DTHD1: variants seen among roughly 807,000 people sequenced by gnomAD.
DTHD1 encodes death domain-containing protein 1.
DTHD1 carries 59 observed loss-of-function variants against 74.8 expected under a neutral mutation model. The ratio of observed to expected loss-of-function variants is 0.79; its 90% confidence interval spans 0.64 to 0.98. The LOEUF (loss-of-function observed/expected upper bound fraction) is 0.98. Ranked by LOEUF, DTHD1 falls within the 50% of genes least tolerant of loss-of-function variation. The pLI is 0.00. For synonymous variants in DTHD1, 365 were observed against 371.1 expected, an observed-to-expected ratio of 0.98 and a Z score of 0.19; for missense variants, 1,051 against 1,065.4, an observed-to-expected ratio of 0.99 and a Z score of 0.19.
intron 2 of DTHD1, among the ~76,000 whole-genome samples, chr4:36,288,177 C>T (rs182062744): frequency 6.6e-6 from 1 of 152,226 alleles, no homozygotes; most frequent in Non-Finnish European, 1.5e-5. Context: ...CAGCTCACTG[C>T]AACCTCCACC....
intron 8 of DTHD1, among the ~76,000 whole-genome samples, chr4:36,319,545 AG>A (rs1757940815): frequency 6.6e-6 from 1 of 152,130 alleles, no homozygotes; most frequent in Non-Finnish European, 1.5e-5. Flanking sequence ...CTGCCATAAG[AG>A]GATGAAAGGG....
At position 36,290,819 on chromosome 4, in the gene DTHD1, C is replaced by A. The variant is rs116683678; in HGVS notation, c.1218+116C>A. On this transcript the variant is annotated intron_variant, in intron 3 of 9. Transcript: ENST00000639862. ...GCTCCACTAGTAATAAATGGAAGGA[C>A]TTTTGAATTTGTGCCAGTGCGTTCA... The A allele has an allele frequency of 3.9e-3, 3,385 of 858,608 alleles. 73 individuals are homozygous for A. In the African/African-American group the frequency reaches 0.052, roughly 13 times the overall value. 53.2% of individuals were successfully genotyped at this position (858,608 alleles called of 1,614,324 possible).
chr4:36,294,818 G>T lies in DTHD1; in HGVS notation c.1422G>T (p.Leu474=). ...QLKIQPVDPA[L]VAHLKAQQDT... ...AGATCCAACCAGTTGACCCAGCTCT[G>T]GTGGCACATTTAAAAGCACAGCAAG... The change falls in exon 5 of 10, where the codon CTG becomes CTT. Residue 474 remains leucine (L), a synonymous_variant. Transcript: ENST00000639862. 1 of 1,548,598 alleles carries T rather than the reference G, an allele frequency of 6.5e-7. No homozygotes were observed. Among genetic ancestry groups the T allele is most frequent in the Non-Finnish European group, 8.7e-7 (1 of 1,144,984 alleles).
chr4:36,329,792 C>A (rs1352136587), intron 8 of DTHD1, among the ~76,000 whole-genome samples: 1 of 152,184 alleles, frequency 6.6e-6, no homozygotes, highest in Non-Finnish European at 1.5e-5. Flanking sequence ...AACATGTTTT[C>A]ACATCTCCTT....
At position 36,284,424 on chromosome 4, in the gene DTHD1, T is replaced by C; in HGVS notation, c.720T>C (p.His240=). 6.5e-7 allele frequency: 1 copy of C among 1,537,094 alleles called. No individual in the cohort carries two copies. The highest frequency in any genetic ancestry group is 1.2e-5 in the South Asian group (1 of 84,062). Residue 240 remains histidine, a synonymous_variant, in exon 2 of 10, where the codon CAT becomes CAC. Coordinates refer to ENST00000639862, the MANE Select transcript of DTHD1 (RefSeq NM_001170700.3). ...TAAATGGCAACAGGGAAGAGACTCATGGCATAATTCAGACAACAGAGACAG... is the reference window on the plus strand; with the variant it reads ...TAAATGGCAACAGGGAAGAGACTCACGGCATAATTCAGACAACAGAGACAG... ...ENINGNREET[H]GIIQTTETEI... is the part of the protein sequence containing the mutation.
At chr4:36,300,842 G>A (rs958550771) in intron 5 of DTHD1, among the ~76,000 whole-genome samples, 1 of 152,130 alleles carries the variant, frequency 6.6e-6, no homozygotes, top group African/African-American at 2.4e-5. Context: ...AAACATTAAA[G>A]TAAATGCTTA....
chr4:36,287,286 G>C (rs971749450), intron 2 of DTHD1, among the ~76,000 whole-genome samples: 1 of 152,138 alleles, frequency 6.6e-6, no homozygotes, highest in African/African-American at 2.4e-5. Flanking sequence ...ATTCCATCCA[G>C]GTTGCTGTGA....
chr4:36,306,472 C>A (rs74598986), intron 6 of DTHD1, 120 bp downstream of exon 6: 59,728 of 1,086,536 alleles, frequency 0.055, 1,966 homozygotes, highest in Middle Eastern at 0.071. Flanking sequence ...ATTAACCATT[C>A]TTTAAAGGGT....
Position 36,282,369 on chromosome 4 carries a change from G to A in DTHD1, c.271+340G>A, listed in dbSNP as rs113601463. ...TTTATGCAGCAGGAAAGAGAGAGTCGGTAATTTTAGTAGGATCCAAGACTT... is the reference window on the plus strand; with the variant it reads ...TTTATGCAGCAGGAAAGAGAGAGTCAGTAATTTTAGTAGGATCCAAGACTT... On this transcript the variant is annotated intron_variant, in intron 1 of 9. Transcript: ENST00000639862. Among the ~76,000 whole-genome samples, 1,485 of 152,226 alleles carry A rather than the reference G, an allele frequency of 9.8e-3. 15 individuals are homozygous for A. Among genetic ancestry groups the A allele is most frequent in the Middle Eastern group, 0.02 (6 of 294 alleles).
chr4:36,288,415 G>T (rs757874655), intron 2 of DTHD1, among the ~76,000 whole-genome samples: 2 of 152,130 alleles, frequency 1.3e-5, no homozygotes, highest in Non-Finnish European at 2.9e-5. Context: ...TTATCTTCTA[G>T]AACTTTTTTT....
chr4:36,324,370 C>T (rs905950746), intron 8 of DTHD1, among the ~76,000 whole-genome samples: 5 of 152,092 alleles, frequency 3.3e-5, no homozygotes, highest in African/African-American at 9.7e-5. Flanking sequence ...GGCACTGTAT[C>T]GTTATAGGGC....
intron 3 of DTHD1, among the ~76,000 whole-genome samples, chr4:36,292,202 G>C (rs1470366890): frequency 2.0e-5 from 3 of 152,118 alleles, no homozygotes; most frequent in African/African-American, 7.2e-5. Context: ...GGGCTCTTAA[G>C]TTTTGGCCAG....
In DTHD1 at chr4:36,316,434, A is replaced by C; in HGVS notation, c.2288A>C (p.Asn763Thr). The C allele has an allele frequency of 1.3e-6, 2 of 1,551,558 alleles. No homozygotes were observed. The highest frequency in any genetic ancestry group is 1.4e-5 in the African/African-American group (1 of 73,172). ...VPNLNQSLVI[N>T]ENHSQLPICK... ...AACTTGAATCAATCTCTCGTAATTA[A>C]TGAAAACCATTCTCAGTTGCCAATT... The change falls in exon 8 of 10, where the codon AAT becomes ACT. Residue 763 changes from asparagine to threonine, a missense_variant. Asn to Thr is a moderately conservative substitution (Grantham distance 65). Coordinates refer to ENST00000639862, the MANE Select transcript of DTHD1 (RefSeq NM_001170700.3).
chr4:36,323,601 G>T (rs1268215994), intron 8 of DTHD1, among the ~76,000 whole-genome samples: 1 of 116,748 alleles, frequency 8.6e-6, no homozygotes, highest in South Asian at 2.8e-4. Context: ...GATTGAAAGA[G>T]CACATTAGAA....
intron 8 of DTHD1, among the ~76,000 whole-genome samples, chr4:36,321,578 A>G (rs1427603225): frequency 6.6e-6 from 1 of 152,198 alleles, no homozygotes; most frequent in Non-Finnish European, 1.5e-5. Context: ...ATTATGGTAT[A>G]TAATTATTTC....
At chr4:36,342,913 A>G (rs1759397285) in intron 9 of DTHD1, among the ~76,000 whole-genome samples, 1 of 128,916 alleles carries the variant, frequency 7.8e-6, no homozygotes, top group Admixed American at 7.9e-5. Context: ...TCTCTACTAA[A>G]AATACAAAAA....
chr4:36,337,815 T>A (rs1337360814), intron 8 of DTHD1, among the ~76,000 whole-genome samples: 2 of 152,224 alleles, frequency 1.3e-5, no homozygotes, highest in East Asian at 1.9e-4. Flanking sequence ...CATTAACATG[T>A]AACACTTACA....
At chr4:36,294,159 T>C (rs1756252541) in intron 4 of DTHD1, among the ~76,000 whole-genome samples, 1 of 152,016 alleles carries the variant, frequency 6.6e-6, no homozygotes, top group African/African-American at 2.4e-5. Context: ...GGATTTAATA[T>C]ACGCAAACAC....
intron 2 of DTHD1, among the ~76,000 whole-genome samples, chr4:36,285,472 A>G (rs1166061900): frequency 6.6e-6 from 1 of 152,174 alleles, no homozygotes; most frequent in East Asian, 1.9e-4. Flanking sequence ...GATATGGTCT[A>G]GAACTGTCAT....
Sources: gnomAD v4.1 joint callset for allele counts (sites outside exome capture counted in the v4.1 genomes callset) on GRCh38, gnomAD v4.1.1 for gene constraint, MANE v1.5 for transcripts, NCBI Gene and HGNC (gene_info 2026-07-23, HGNC 2026-07-21) for gene names.